Variants in ABR observed in about 807,000 individuals in gnomAD.
ABR encodes the protein ABR activator of RhoGEF and GTPase, also known as active breakpoint cluster region-related protein.
ABR carries 35 observed loss-of-function variants against 107.2 expected under a neutral mutation model. The observed-to-expected ratio is 0.33, with a 90% CI of 0.25 to 0.43. The LOEUF (loss-of-function observed/expected upper bound fraction) is 0.43, where lower values mean the gene tolerates loss of function less well. Ranked by LOEUF, ABR falls within the 20% of genes least tolerant of loss-of-function variation. The pLI is 1.00. For missense variants in ABR, 815 were observed against 1,115.2 expected, an observed-to-expected ratio of 0.73 and a Z score of 3.83; for synonymous variants, 498 against 462.0, an observed-to-expected ratio of 1.08 and a Z score of -1.00.
intron 16 of ABR, among the ~76,000 whole-genome samples, chr17:1,018,288 C>A (rs527619823): frequency 5.9e-5 from 9 of 152,114 alleles, no homozygotes; most frequent in East Asian, 1.9e-4. Flanking sequence ...GTGATTCGCC[C>A]ACCTCGGCCT....
intron 5 of ABR, among the ~76,000 whole-genome samples, chr17:1,080,629 G>C (rs544907555): frequency 3.9e-5 from 6 of 152,042 alleles, no homozygotes; most frequent in Non-Finnish European, 7.4e-5. Flanking sequence ...GTCAGCTGCC[G>C]AGGTGATGCC....
chr17:1,193,267 A>ACCC lies in ABR; in HGVS notation c.838+35523_838+35525dup, dbSNP rs1369346504. Among the ~76,000 whole-genome samples the ACCC allele has an allele frequency of 2.4e-4, 33 of 135,856 alleles. 1 individual carries two copies. The highest frequency in any genetic ancestry group is 4.7e-4 in the Non-Finnish European group (28 of 59,388). The allele number at this position is 135,856 out of a possible 152,430, so 89.1% of individuals were successfully genotyped here. A position where few individuals can be genotyped will look rare whatever the true frequency, so the allele number is the denominator to read the frequency against. On this transcript the variant is annotated intron_variant, in intron 1 of 22. Coordinates refer to the ABR transcript ENST00000574139. The stretch of plus-strand genomic sequence containing the variant: ...CCTTATAGAGAAGCCTTTCTGGGAC[A>ACCC]CCCCCTCCCCCTCAATACCCACAAG...
rs909522035 is a variant in ABR at position 1,013,286 on chromosome 17, G to A, written c.1792-122C>T. The A allele has an allele frequency of 9.0e-5, 87 of 966,454 alleles. 1 individual carries two copies. Among genetic ancestry groups the A allele is most frequent in the Middle Eastern group, 8.5e-4 (4 of 4,686 alleles). The allele number at this position is 966,454 out of a possible 1,614,324, so 59.9% of individuals were successfully genotyped here. On this transcript the variant is annotated intron_variant, in intron 16 of 22. Coordinates refer to ENST00000302538, the MANE Select transcript of ABR (RefSeq NM_021962.5). ...CAGGAAGGCGGAAGTGAGCAGCTGG[G>A]ATAAGCTGATGTTTACCTGGAAATC... is the stretch of plus-strand genomic sequence containing the variant.
chr17:1,179,677 G>A lies in ABR; in HGVS notation c.51C>T (p.Thr17=). 1 of 1,567,892 alleles carries A rather than the reference G, an allele frequency of 6.4e-7. No individual in the cohort carries two copies. The highest frequency in any genetic ancestry group is 8.6e-7 in the Non-Finnish European group (1 of 1,158,298). ...GCCCGGCACACGTACTGCTGTAGAG[G>A]GTGTCGATCCAGGACAGGCGCGGCA... is the stretch of plus-strand genomic sequence containing the variant. ...RGLPRLSWID[T]LYSNFSYGTD... is the part of the protein sequence containing the mutation. Residue 17 remains threonine, a synonymous_variant, in exon 1 of 23, where the codon ACC becomes ACT. Coordinates refer to ENST00000302538, the MANE Select transcript of ABR (RefSeq NM_021962.5). This position sits in a 1 kb window ranked among gnomAD's most constrained non-coding sequence, Gnocchi z 4.9.
rs75999222 is a variant in ABR, at chr17:1,027,599, G to A, written c.1792-14435C>T. On this transcript the variant is annotated intron_variant, in intron 16 of 22. Coordinates refer to ENST00000302538, the MANE Select transcript of ABR (RefSeq NM_021962.5). The surrounding 1 kb of genome is among the most constrained non-coding windows in gnomAD (Gnocchi z 4.7). ...AGTGCTGTGGAAAAGAGGGAGGGTCGCCCGACCCCACTGCCAACCTGTCAG... is the reference window on the plus strand; with the variant it reads ...AGTGCTGTGGAAAAGAGGGAGGGTCACCCGACCCCACTGCCAACCTGTCAG... 0.013 allele frequency among the ~76,000 whole-genome samples: 1,973 copies of A among 152,134 alleles called. 26 individuals are homozygous for A. The highest frequency in any genetic ancestry group is 0.032 in the East Asian group (165 of 5,156).
chr17:1,088,927 A>C (rs1156436157), intron 4 of ABR, among the ~76,000 whole-genome samples: 6 of 122,894 alleles, frequency 4.9e-5, no homozygotes, highest in Admixed American at 2.1e-4. Flanking sequence ...ACAGAGTCTC[A>C]GTCTGTCATC....
intron 4 of ABR, 145 bp from the exon 5 acceptor site, chr17:1,083,772 G>C: frequency 1.5e-6 from 1 of 684,342 alleles, no homozygotes; most frequent in Non-Finnish European, 2.6e-6. Context: ...GGAAACGCAG[G>C]GATGAACATA....
Position 1,092,548 on chromosome 17 carries a change from A to G in ABR, c.346-698T>C, listed in dbSNP as rs1370613728. Among the ~76,000 whole-genome samples the G allele has an allele frequency of 1.3e-5, 2 of 152,058 alleles. No individual in the cohort carries two copies. Among genetic ancestry groups the G allele is most frequent in the Non-Finnish European group, 1.5e-5 (1 of 68,006 alleles). On this transcript the variant is annotated intron_variant, in intron 3 of 22. Coordinates refer to ENST00000302538, the MANE Select transcript of ABR (RefSeq NM_021962.5). The surrounding 1 kb of genome is among the most constrained non-coding windows in gnomAD (Gnocchi z 4.6). ...GCCAGTGTAGACGGTGAGGTGGCAG[A>G]TAACACAGACCAACCCCCAGCACTG...
chr17:1,187,837 T>C (rs2042342944), upstream of ABR, among the ~76,000 whole-genome samples: 1 of 151,758 alleles, frequency 6.6e-6, no homozygotes, highest in African/African-American at 2.4e-5. Flanking sequence ...GAGGTTGCAG[T>C]GAGCCGAGAT....
intron 1 of ABR, among the ~76,000 whole-genome samples, chr17:1,129,900 T>C (rs2039752667): frequency 6.6e-6 from 1 of 152,012 alleles, no homozygotes; most frequent in African/African-American, 2.4e-5. Flanking sequence ...TGAGCTGAGA[T>C]TGCACCATTG....
intron 1 of ABR, among the ~76,000 whole-genome samples, chr17:1,166,491 G>A (rs757152937): frequency 6.6e-6 from 1 of 152,186 alleles, no homozygotes; most frequent in Non-Finnish European, 1.5e-5. Context: ...TGTGGCCGGA[G>A]GCCCGGGGGT....
At chr17:1,079,088 C>A in intron 6 of ABR, 2 of 1,434,932 alleles carry the variant, frequency 1.4e-6, no homozygotes, top group Non-Finnish European at 1.8e-6. Context: ...AGCCAGCAGC[C>A]TGCTGGCATC....
intron 1 of ABR, among the ~76,000 whole-genome samples, chr17:1,144,911 C>T (rs546577810): frequency 2.2e-4 from 33 of 152,012 alleles, no homozygotes; most frequent in African/African-American, 6.0e-4. Flanking sequence ...TCCAGCTACT[C>T]GGGAGGCTGT....
At chr17:1,180,073 A>T (rs4572468), upstream of ABR, among the ~76,000 whole-genome samples, 4 of 133,614 alleles carry the variant, frequency 3.0e-5, no homozygotes, top group African/African-American at 1.2e-4. Context: ...CGGGGCGGGG[A>T]GGGACCAATC....
At chr17:1,075,201 G>A (rs1023976572) in intron 6 of ABR, among the ~76,000 whole-genome samples, 8 of 152,238 alleles carry the variant, frequency 5.3e-5, no homozygotes, top group South Asian at 4.1e-4. Context: ...TCCTGTACGC[G>A]GCTGCGCCCA....
rs549680951 is a variant in ABR at position 1,106,132 on chromosome 17, A to G, written c.247-5397T>C. 5.9e-5 allele frequency among the ~76,000 whole-genome samples: 9 copies of G among 152,288 alleles called. No homozygotes were observed. The South Asian group carries it at 1.7e-3, about 28-fold the overall frequency. On this transcript the variant is annotated intron_variant, in intron 2 of 22. Coordinates refer to ENST00000302538, the MANE Select transcript of ABR (RefSeq NM_021962.5). Reference sequence around the variant, plus strand: ...ACTCTTCAAAGGTAAGTCTGGGCTGAGATATGCAGCAAACTCCAGCTATAG... The same window carrying G: ...ACTCTTCAAAGGTAAGTCTGGGCTGGGATATGCAGCAAACTCCAGCTATAG...
At chr17:1,192,432 G>C (rs764297395) in intron 1 of ABR, among the ~76,000 whole-genome samples, 1 of 152,178 alleles carries the variant, frequency 6.6e-6, no homozygotes, top group African/African-American at 2.4e-5. Context: ...AGTTATGGAG[G>C]GGGCAGGAGG....
chr17:1,031,222 C>G (rs2072709241), intron 16 of ABR, among the ~76,000 whole-genome samples: 1 of 152,172 alleles, frequency 6.6e-6, no homozygotes, highest in African/African-American at 2.4e-5. Flanking sequence ...AAGGGGCAGC[C>G]AGCAAGGCCC....
chr17:1,112,002 T>G (rs544296848), intron 2 of ABR, among the ~76,000 whole-genome samples: 1 of 152,298 alleles, frequency 6.6e-6, no homozygotes, highest in Admixed American at 6.5e-5. Flanking sequence ...CTTACGAGTC[T>G]TCCTTCCCTC....
Sources: allele counts gnomAD v4.1 joint callset (sites outside exome capture counted in the v4.1 genomes callset), GRCh38; gene constraint gnomAD v4.1.1; non-coding constraint Gnocchi (gnomAD v3.1); transcripts MANE v1.5; gene names NCBI Gene and HGNC (gene_info 2026-07-23, HGNC 2026-07-21).